Variants in NEBL observed in about 807,000 individuals in gnomAD.
NEBL encodes LIM and SH3 protein 2.
In NEBL, 122 loss-of-function variants were observed where a neutral mutation model predicts 140.2. The ratio of observed to expected loss-of-function variants is 0.87; its 90% CI spans 0.75 to 1.01. NEBL has a LOEUF of 1.01. NEBL is among the 50% of genes least tolerant of loss of function. The pLI, the probability that NEBL is intolerant of heterozygous loss-of-function variation, is 0.00. For synonymous variants in NEBL, 436 were observed against 398.9 expected, an observed-to-expected ratio of 1.09 and a Z score of -1.11; for missense variants, 1,365 against 1,231.3, an observed-to-expected ratio of 1.11 and a Z score of -1.62.
At chr10:21,029,627 A>T (rs1833693687) in intron 2 of NEBL, 2 of 1,453,152 alleles carry the variant, frequency 1.4e-6, no homozygotes, top group Non-Finnish European at 1.9e-6. Flanking sequence ...AGCTTTGATG[A>T]CTACCCGCCT....
At chr10:21,114,371 G>A (rs934284113) in intron 2 of NEBL, among the ~76,000 whole-genome samples, 3 of 152,020 alleles carry the variant, frequency 2.0e-5, no homozygotes, top group Admixed American at 6.6e-5. Context: ...AATGTTCTGT[G>A]TGCACTTGAA....
intron 1 of NEBL, among the ~76,000 whole-genome samples, chr10:21,258,752 G>A (rs571716495): frequency 1.4e-4 from 21 of 151,972 alleles, no homozygotes; most frequent in Non-Finnish European, 2.4e-4. Flanking sequence ...GGTGACAGGC[G>A]CCTGTAATCC....
intron 2 of NEBL, among the ~76,000 whole-genome samples, chr10:21,082,001 A>G (rs777496086): frequency 2.6e-5 from 4 of 152,220 alleles, no homozygotes; most frequent in Non-Finnish European, 5.9e-5. Context: ...TCAAATGATG[A>G]AAGTGAACAT....
chr10:21,126,811 A>G (rs1004173074), intron 2 of NEBL, among the ~76,000 whole-genome samples: 1 of 151,876 alleles, frequency 6.6e-6, no homozygotes, highest in East Asian at 1.9e-4. Context: ...TGTCTCCACT[A>G]AAAACAAAAG....
chr10:21,191,676 C>A (rs911337179), intron 3 of NEBL, among the ~76,000 whole-genome samples: 1 of 152,180 alleles, frequency 6.6e-6, no homozygotes, highest in East Asian at 1.9e-4. Context: ...TGACCACACG[C>A]CCAAAGGCTT....
intron 11 of NEBL, among the ~76,000 whole-genome samples, chr10:20,848,800 A>G (rs1842207666): frequency 1.3e-5 from 2 of 152,314 alleles, no homozygotes; most frequent in South Asian, 2.1e-4. Flanking sequence ...AAGATTGGAG[A>G]CCACTGAATA....
chr10:21,189,537 T>C (rs1467191426), intron 3 of NEBL, among the ~76,000 whole-genome samples: 3 of 152,214 alleles, frequency 2.0e-5, no homozygotes, highest in African/African-American at 4.8e-5. Context: ...CGATCTCTGC[T>C]CACTGCAAAC....
chr10:21,073,255 T>C (rs1001016507), intron 2 of NEBL, among the ~76,000 whole-genome samples: 2 of 150,630 alleles, frequency 1.3e-5, no homozygotes, highest in African/African-American at 4.9e-5. Flanking sequence ...CCCAGGAGTT[T>C]GAGGCTACAG....
intron 11 of NEBL, 86 bp from the exon 12 acceptor site, chr10:20,845,454 AATG>A: frequency 1.1e-6 from 1 of 870,046 alleles, no homozygotes; most frequent in Non-Finnish European, 1.9e-6. Context: ...CCAGAACAAA[AATG>A]ATGTTTTCTT....
Position 20,858,309 on chromosome 10 carries a change from A to T in NEBL, c.834T>A (p.Asp278Glu), listed in dbSNP as rs562939997. The change falls in exon 9 of 28, where the codon GAT becomes GAA. Residue 278 changes from aspartate to glutamate, a missense_variant. Around this residue, in one of 2 missense-constraint regions of NEBL, gnomAD observed 1,323 missense variants for 1,154.8 expected, o/e 1.15. Transcript: ENST00000377122. ...ACAAATTTGGGAGATCTGAAACTGG[A>T]TCATGCATATTTTGAATGTCTTTCT... ...KYKKDIQNMH[D>E]PVSDLPNLLF... 4.3e-6 allele frequency: 7 copies of T among 1,609,946 alleles called. No individual in the cohort carries two copies. The East Asian group carries it at 1.3e-4, about 31-fold the overall frequency.
intron 4 of NEBL, among the ~76,000 whole-genome samples, chr10:20,937,610 T>C (rs1834567305): frequency 6.6e-6 from 1 of 152,070 alleles, no homozygotes; most frequent in Non-Finnish European, 1.5e-5. Flanking sequence ...GTGGGTGCAG[T>C]GCACCAAGCG....
intron 7 of NEBL, among the ~76,000 whole-genome samples, chr10:20,864,766 C>A (rs371559533): frequency 6.6e-6 from 1 of 152,130 alleles, no homozygotes; most frequent in Non-Finnish European, 1.5e-5. Flanking sequence ...AAATAAGAAA[C>A]TAAACTTGCT....
intron 5 of NEBL, among the ~76,000 whole-genome samples, chr10:20,875,941 C>T (rs918618317): frequency 6.6e-6 from 1 of 152,144 alleles, no homozygotes; most frequent in African/African-American, 2.4e-5. Context: ...ATGGTTCAAC[C>T]CATCTCAGGA....
upstream of NEBL, among the ~76,000 whole-genome samples, chr10:21,178,454 C>A (rs559669994): frequency 1.1e-4 from 17 of 152,284 alleles, no homozygotes; most frequent in African/African-American, 4.1e-4. Context: ...GGAGAAATTT[C>A]TAATTCACAC....
chr10:20,964,401 G>C (rs1279787202), intron 3 of NEBL, among the ~76,000 whole-genome samples: 1 of 152,176 alleles, frequency 6.6e-6, no homozygotes, highest in Non-Finnish European at 1.5e-5. Flanking sequence ...CAGGAAGCAT[G>C]GTGCCAGCAT....
chr10:21,153,372 G>A (rs955558886), intron 2 of NEBL, among the ~76,000 whole-genome samples: 1 of 144,056 alleles, frequency 6.9e-6, no homozygotes, highest in Non-Finnish European at 1.5e-5. Context: ...CCAGGCTGGA[G>A]TGCAATGGTG....
At chr10:21,112,607 G>T (rs542659913) in intron 2 of NEBL, among the ~76,000 whole-genome samples, 1 of 149,618 alleles carries the variant, frequency 6.7e-6, no homozygotes, top group South Asian at 2.2e-4. Flanking sequence ...GGGACTGGGG[G>T]AGGGATAGCA....
intron 2 of NEBL, among the ~76,000 whole-genome samples, chr10:21,145,168 C>T (rs979719516): frequency 6.6e-6 from 1 of 152,172 alleles, no homozygotes. Flanking sequence ...GATGGGTATT[C>T]TCTTACATTT....
In NEBL at chr10:20,889,962, A is replaced by C. The variant is rs376996370; in HGVS notation, c.154-13T>G. The C allele has an allele frequency of 2.7e-5, 41 of 1,496,512 alleles. No homozygotes were observed. In the African/African-American group the frequency reaches 5.0e-4, roughly 18 times the overall value. The allele number at this position is 1,496,512 out of a possible 1,614,324, so 92.7% of individuals were successfully genotyped here. On this transcript the variant is annotated splice_polypyrimidine_tract_variant and intron_variant, in intron 2 of 27. Transcript: ENST00000377122. ...CTTTATAACGGATCTAAAAAAGAGA[A>C]TGATTTACATAAGAAGAGAAAAAGA...
Sources: allele counts gnomAD v4.1 joint callset (sites outside exome capture counted in the v4.1 genomes callset), GRCh38; gene constraint gnomAD v4.1.1; regional missense constraint gnomAD v4.1.1; transcripts MANE v1.5; gene names NCBI Gene and HGNC (gene_info 2026-07-23, HGNC 2026-07-21).